Variants in PRKCH observed in about 807,000 individuals in gnomAD.
PRKCH encodes protein kinase C eta.
A neutral mutation model predicts 82.5 loss-of-function variants in PRKCH; 28 were observed. The ratio of observed to expected loss-of-function variants is 0.34; its 90% confidence interval spans 0.25 to 0.47. The LOEUF is 0.47. Among genes scored for constraint, PRKCH ranks in the 20% least tolerant of loss-of-function variants. The pLI is 1.00. For synonymous variants in PRKCH, 322 were observed against 327.4 expected, an observed-to-expected ratio of 0.98 and a Z score of 0.18; for missense variants, 705 against 881.8, an observed-to-expected ratio of 0.80 and a Z score of 2.54.
chr14:61,454,392 C>T (rs918052521), intron 7 of PRKCH, among the ~76,000 whole-genome samples: 1 of 152,150 alleles, frequency 6.6e-6, no homozygotes, highest in Non-Finnish European at 1.5e-5. Flanking sequence ...CATGAGCTGC[C>T]ACGCCCAGCC....
intron 1 of PRKCH, among the ~76,000 whole-genome samples, chr14:61,213,894 A>G (rs575593194): frequency 6.6e-6 from 1 of 152,250 alleles, no homozygotes; most frequent in Admixed American, 6.5e-5. Context: ...ATTATGCTAT[A>G]ATCTGGGGAT....
intron 1 of PRKCH, among the ~76,000 whole-genome samples, chr14:61,214,990 A>G (rs1034821627): frequency 1.3e-5 from 2 of 152,222 alleles, no homozygotes; most frequent in Non-Finnish European, 1.5e-5. Flanking sequence ...CTTTCTGAGG[A>G]GGGATTATTA....
chr14:61,500,688 A>G lies in PRKCH; in HGVS notation c.1433+15032A>G, dbSNP rs574428644. Among the ~76,000 whole-genome samples the G allele has an allele frequency of 6.6e-5, 10 of 152,280 alleles. No homozygotes were observed. The South Asian group carries it at 2.1e-3, about 32-fold the overall frequency. ...GCACATGAAAATAGAGAAGGTAGTC[A>G]TAAATCCCAGAACTGAGGATCTCTG... is the stretch of plus-strand genomic sequence containing the variant. On this transcript the variant is annotated intron_variant, in intron 10 of 13. Transcript: ENST00000332981.
intron 1 of PRKCH, among the ~76,000 whole-genome samples, chr14:61,215,531 T>C (rs2044610270): frequency 6.6e-6 from 1 of 152,182 alleles, no homozygotes; most frequent in East Asian, 1.9e-4. Context: ...TCTCTCTCCC[T>C]CTTGACATAT....
At chr14:61,222,734 G>A (rs544838459) in intron 1 of PRKCH, among the ~76,000 whole-genome samples, 1 of 152,232 alleles carries the variant, frequency 6.6e-6, no homozygotes, top group Non-Finnish European at 1.5e-5. Flanking sequence ...TTCGACAATG[G>A]ATAAGCAGTG....
At chr14:61,226,206 T>C (rs1166979556) in intron 1 of PRKCH, among the ~76,000 whole-genome samples, 1 of 152,178 alleles carries the variant, frequency 6.6e-6, no homozygotes, top group African/African-American at 2.4e-5. Flanking sequence ...TGGCCTCCAC[T>C]CTGAGCCAGG....
At chr14:61,331,406 G>A (rs1045605458) in intron 1 of PRKCH, among the ~76,000 whole-genome samples, 2 of 152,122 alleles carry the variant, frequency 1.3e-5, no homozygotes, top group Non-Finnish European at 2.9e-5. Flanking sequence ...GTAGTCCCGT[G>A]TACTGGGGAG....
chr14:61,374,041 T>C (rs374333517), intron 1 of PRKCH, among the ~76,000 whole-genome samples: 1 of 152,088 alleles, frequency 6.6e-6, no homozygotes, highest in East Asian at 1.9e-4. Context: ...GCAATGGGGG[T>C]ACAGGCATTG....
At position 61,303,012 on chromosome 14, in the gene PRKCH, A is replaced by ATTTTTTT. The variant is rs139375822; in HGVS notation, c.-19+115356_-19+115362dup. The ATTTTTTT allele has an allele frequency of 2.0e-3, 264 of 128,936 alleles. 10 individuals are homozygous for ATTTTTTT. Among genetic ancestry groups the ATTTTTTT allele is most frequent in the Middle Eastern group, 4.5e-3 (1 of 220 alleles). 8.0% of individuals were successfully genotyped at this position (128,936 alleles called of 1,614,324 possible). ...ACAGATTTGTATATTTGTTCCTTCA[A>ATTTTTTT]TTTTTTTTTTTTTTTTTTGAGACAG... On this transcript the variant is annotated intron_variant, in intron 1 of 3. Transcript: ENST00000555185.
intron 1 of PRKCH, among the ~76,000 whole-genome samples, chr14:61,290,925 A>G (rs1015869165): frequency 6.6e-6 from 1 of 152,212 alleles, no homozygotes; most frequent in Non-Finnish European, 1.5e-5. Context: ...GGGATTGACA[A>G]CTTCTTATTA....
intron 1 of PRKCH, among the ~76,000 whole-genome samples, chr14:61,336,830 G>T (rs1594924539): frequency 6.6e-6 from 1 of 152,008 alleles, no homozygotes; most frequent in African/African-American, 2.4e-5. Context: ...GCACTATGGG[G>T]GGCTGAGGTG....
At chr14:61,269,817 C>T (rs1465307734) in intron 1 of PRKCH, among the ~76,000 whole-genome samples, 1 of 152,194 alleles carries the variant, frequency 6.6e-6, no homozygotes, top group African/African-American at 2.4e-5. Flanking sequence ...CGACAATCAA[C>T]CTGAGAAATT....
chr14:61,527,673 C>T (rs937424078), intron 10 of PRKCH, among the ~76,000 whole-genome samples: 3 of 152,154 alleles, frequency 2.0e-5, no homozygotes, highest in African/African-American at 4.8e-5. Flanking sequence ...AAAATTCCTT[C>T]GTGTGACATT....
intron 1 of PRKCH, among the ~76,000 whole-genome samples, chr14:61,259,390 T>A (rs2045026547): frequency 6.6e-6 from 1 of 152,180 alleles, no homozygotes; most frequent in Non-Finnish European, 1.5e-5. Flanking sequence ...TCACACTGAC[T>A]GACTAACGAT....
At chr14:61,529,796 C>T (rs1325910075) in intron 11 of PRKCH, among the ~76,000 whole-genome samples, 1 of 148,396 alleles carries the variant, frequency 6.7e-6, no homozygotes, top group Admixed American at 6.7e-5. Flanking sequence ...GGGAGATATA[C>T]CTAATGCTAG....
chr14:61,280,687 G>A lies in PRKCH; in HGVS notation c.-19+93019G>A, dbSNP rs141466573. On this transcript the variant is annotated intron_variant, in intron 1 of 3. Transcript: ENST00000555185. This position sits in a 1 kb window ranked among gnomAD's most constrained non-coding sequence, Gnocchi z 5.0. ...GCAGGGCGCGATGGGCAGGCCGGCCGCGCTGCGCTGGTAGGGGGCGCACTC... is the reference window on the plus strand; with the variant it reads ...GCAGGGCGCGATGGGCAGGCCGGCCACGCTGCGCTGGTAGGGGGCGCACTC... 5.1e-5 allele frequency: 81 copies of A among 1,576,488 alleles called. 2 individuals are homozygous for A. In the East Asian group the frequency reaches 1.8e-3, roughly 36 times the overall value.
chr14:61,249,496 G>T (rs1442193306), intron 1 of PRKCH, among the ~76,000 whole-genome samples: 1 of 134,602 alleles, frequency 7.4e-6, no homozygotes, highest in Non-Finnish European at 1.5e-5. Flanking sequence ...CAAGTATGAT[G>T]TGCAAATTTG....
intron 10 of PRKCH, among the ~76,000 whole-genome samples, chr14:61,505,385 CTTTTCTTTTCTTTTTTTT>C (rs1887094839): frequency 1.3e-5 from 1 of 75,050 alleles, no homozygotes; most frequent in Admixed American, 1.5e-4. Context: ...CTTTTCTTTT[CTTTTCTTTTCTTTTTTTT>C]TTTTTTTTTT....
chr14:61,280,146 G>C lies in PRKCH; in HGVS notation c.-19+92478G>C, dbSNP rs201229810. The stretch of plus-strand genomic sequence containing the variant: ...GGTAGCGAATGTAGACGACCAGCAT[G>C]ACAAAGCCGGTGAGGATGCAGAGGG... On this transcript the variant is annotated intron_variant, in intron 1 of 3. Coordinates refer to the PRKCH transcript ENST00000555185. The surrounding 1 kb of genome is among the most constrained non-coding windows in gnomAD (Gnocchi z 5.0). 6.2e-7 allele frequency: 1 copy of C among 1,614,032 alleles called. No homozygotes were observed. Among genetic ancestry groups the C allele is most frequent in the African/African-American group, 1.3e-5 (1 of 75,046 alleles).
Sources: gnomAD v4.1 joint callset for allele counts (sites outside exome capture counted in the v4.1 genomes callset) on GRCh38, gnomAD v4.1.1 for gene constraint, Gnocchi (gnomAD v3.1) non-coding constraint, MANE v1.5 for transcripts, NCBI Gene and HGNC (gene_info 2026-07-23, HGNC 2026-07-21) for gene names.